PRR16: variants seen among roughly 807,000 people sequenced by gnomAD.
The protein encoded by PRR16 is protein Largen.
PRR16 carries 6 observed loss-of-function variants against 18.2 expected under a neutral mutation model. The observed-to-expected ratio is 0.33, with a 90% CI of 0.18 to 0.65. The LOEUF is 0.65. PRR16 is among the 30% of genes least tolerant of loss of function. PRR16 has a pLI of 0.74. For missense variants in PRR16, 412 were observed against 376.6 expected, an observed-to-expected ratio of 1.09 and a Z score of -0.78; for synonymous variants, 151 against 147.8, an observed-to-expected ratio of 1.02 and a Z score of -0.16.
chr5:120,684,432 C>T (rs930129680), intron 1 of PRR16, among the ~76,000 whole-genome samples: 1 of 152,034 alleles, frequency 6.6e-6, no homozygotes, highest in African/African-American at 2.4e-5. Flanking sequence ...TGACAAAGAG[C>T]CAACTTCACA....
chr5:120,616,216 C>T (rs144851307), intron 1 of PRR16, among the ~76,000 whole-genome samples: 1 of 152,092 alleles, frequency 6.6e-6, no homozygotes, highest in African/African-American at 2.4e-5. Flanking sequence ...TTTATTCATA[C>T]CTCGTTTGAA....
intron 1 of PRR16, among the ~76,000 whole-genome samples, chr5:120,506,710 T>C (rs777761745): frequency 3.3e-5 from 5 of 152,086 alleles, no homozygotes; most frequent in Non-Finnish European, 5.9e-5. Context: ...ATCCTTTCTA[T>C]TCTAGACATG....
chr5:120,639,453 G>T (rs1252886764), intron 1 of PRR16, among the ~76,000 whole-genome samples: 2 of 151,980 alleles, frequency 1.3e-5, no homozygotes, highest in African/African-American at 4.8e-5. Flanking sequence ...ATTTTTGCCT[G>T]CTCAAAATAT....
At chr5:120,785,575 G>GTTTTTGTTTTTTTTTTT in the PRR16 span, among the ~76,000 whole-genome samples, 1 of 115,394 alleles carries the variant, frequency 8.7e-6, no homozygotes, top group African/African-American at 3.4e-5. Context: ...TGTTGTTGTT[G>GTTTTTGTTTTTTTTTTT]TTTTTTTTTT....
chr5:120,538,019 G>A (rs919333631), intron 1 of PRR16, among the ~76,000 whole-genome samples: 16 of 151,722 alleles, frequency 1.1e-4, no homozygotes, highest in Non-Finnish European at 1.6e-4. Flanking sequence ...CTCGTGATCC[G>A]CCCGCCTCGG....
the PRR16 span, among the ~76,000 whole-genome samples, chr5:120,748,950 T>C: frequency 3.3e-5 from 5 of 152,262 alleles, no homozygotes; most frequent in Non-Finnish European, 5.9e-5. Flanking sequence ...ACATTTGATT[T>C]TATAATTGTA....
intron 1 of PRR16, among the ~76,000 whole-genome samples, chr5:120,674,795 C>T (rs542094392): frequency 6.6e-6 from 1 of 151,350 alleles, no homozygotes; most frequent in East Asian, 1.9e-4. Context: ...TGCTCTATGT[C>T]TTTTAACTTT....
At chr5:120,527,150 C>A (rs375677501) in intron 1 of PRR16, among the ~76,000 whole-genome samples, 3 of 152,256 alleles carry the variant, frequency 2.0e-5, no homozygotes, top group African/African-American at 7.2e-5. Context: ...CAGATAGGAA[C>A]TATTTTAGGC....
At chr5:120,490,812 A>G (rs1750006068) in intron 1 of PRR16, among the ~76,000 whole-genome samples, 2 of 152,256 alleles carry the variant, frequency 1.3e-5, no homozygotes, top group Admixed American at 1.3e-4. Flanking sequence ...AGATGATGGT[A>G]ACATACAGAT....
chr5:120,771,121 T>C, the PRR16 span, among the ~76,000 whole-genome samples: 1 of 152,074 alleles, frequency 6.6e-6, no homozygotes, highest in Admixed American at 6.6e-5. Context: ...GTATTTTTGT[T>C]GACTAAGTAA....
the PRR16 span, among the ~76,000 whole-genome samples, chr5:120,739,844 A>G: frequency 6.6e-6 from 1 of 152,156 alleles, no homozygotes; most frequent in African/African-American, 2.4e-5. Context: ...TAACAGGTTC[A>G]AGGCAGTAGA....
At chr5:120,633,907 A>G (rs1755143163) in intron 1 of PRR16, among the ~76,000 whole-genome samples, 1 of 152,280 alleles carries the variant, frequency 6.6e-6, no homozygotes, top group South Asian at 2.1e-4. Context: ...GTCAGCAAAC[A>G]ATGGACTTAA....
intron 1 of PRR16, among the ~76,000 whole-genome samples, chr5:120,609,925 G>GTGCT (rs1469789738): frequency 1.3e-5 from 2 of 152,166 alleles, no homozygotes; most frequent in African/African-American, 4.8e-5. Flanking sequence ...ACCTCCTGAA[G>GTGCT]TGCTAGTCTC....
At chr5:120,649,528 T>G (rs551456147) in intron 1 of PRR16, among the ~76,000 whole-genome samples, 1 of 152,266 alleles carries the variant, frequency 6.6e-6, no homozygotes, top group Admixed American at 6.5e-5. Context: ...AAAAGAAATA[T>G]GATAACTGGG....
the PRR16 span, among the ~76,000 whole-genome samples, chr5:120,696,410 C>A: frequency 6.6e-6 from 1 of 152,090 alleles, no homozygotes; most frequent in African/African-American, 2.4e-5. Flanking sequence ...ACCATACCTA[C>A]GTTTACTAAC....
chr5:120,731,541 T>G, the PRR16 span, among the ~76,000 whole-genome samples: 2 of 152,126 alleles, frequency 1.3e-5, no homozygotes, highest in Admixed American at 6.6e-5. Flanking sequence ...AAACTACAGA[T>G]GAAGGCTTGT....
Position 120,488,753 on chromosome 5 carries a change from T to G in PRR16, c.159+24108T>G, listed in dbSNP as rs1749910066. Among the ~76,000 whole-genome samples, 3 of 152,230 alleles carry G rather than the reference T, an allele frequency of 2.0e-5. 1 individual carries two copies. The South Asian group carries it at 6.2e-4, about 32-fold the overall frequency. ...TAATTGTGATGTTAGGGTGTCATTT[T>G]TAGATCTTTCCTGCTTTCTCTTGTG... On this transcript the variant is annotated intron_variant, in intron 1 of 1. Coordinates refer to ENST00000407149, the MANE Select transcript of PRR16 (RefSeq NM_001300783.2).
At chr5:120,607,118 A>G (rs1019713819) in intron 1 of PRR16, among the ~76,000 whole-genome samples, 4 of 152,206 alleles carry the variant, frequency 2.6e-5, no homozygotes, top group African/African-American at 7.2e-5. Context: ...GCCTCATTGA[A>G]ACCTATAAAT....
the PRR16 span, among the ~76,000 whole-genome samples, chr5:120,784,032 A>G: frequency 6.6e-6 from 1 of 152,192 alleles, no homozygotes; most frequent in Non-Finnish European, 1.5e-5. Context: ...TGTAATTACA[A>G]AGGATATCTT....
Sources: allele counts gnomAD v4.1 joint callset (sites outside exome capture counted in the v4.1 genomes callset), GRCh38; gene constraint gnomAD v4.1.1; transcripts MANE v1.5; gene names NCBI Gene and HGNC (gene_info 2026-07-23, HGNC 2026-07-21).